Variants in PSAP observed in about 807,000 individuals in gnomAD.
The protein encoded by PSAP is prosaposin.
A neutral mutation model predicts 66.0 loss-of-function variants in PSAP; 25 were observed. The ratio of observed to expected loss-of-function variants is 0.38; its 90% confidence interval spans 0.28 to 0.53. The LOEUF (loss-of-function observed/expected upper bound fraction) is 0.53. Among genes scored for constraint, PSAP ranks in the 20% least tolerant of loss-of-function variants. PSAP has a pLI of 0.83. For synonymous variants in PSAP, 273 were observed against 258.9 expected (o/e 1.05, Z -0.52); for missense variants, 649 against 668.8 (o/e 0.97, Z 0.33).
chr10:71,842,773 T>C (rs1842751732), intron 1 of PSAP, among the ~76,000 whole-genome samples: 1 of 152,192 alleles, frequency 6.6e-6, no homozygotes, highest in Non-Finnish European at 1.5e-5. Context: ...TCAACTATTA[T>C]AAAAGTCAAC....
intron 8 of PSAP, 22 bp downstream of exon 8, chr10:71,821,854 G>T: frequency 6.2e-7 from 1 of 1,614,114 alleles, no homozygotes; most frequent in Non-Finnish European, 8.5e-7. Context: ...CCCTGACCAG[G>T]ACACAAAGTG....
chr10:71,846,425 TAAAA>T (rs397943634), intron 1 of PSAP, among the ~76,000 whole-genome samples: 5 of 115,898 alleles, frequency 4.3e-5, no homozygotes, highest in East Asian at 2.5e-4. Flanking sequence ...TTAAAGCCCT[TAAAA>T]AAAAAAAAAA....
intron 5 of PSAP, 144 bp from the exon 6 acceptor site, chr10:71,828,301 C>CA (rs943433360): frequency 1.2e-6 from 1 of 859,978 alleles, no homozygotes; most frequent in Non-Finnish European, 2.0e-6. Flanking sequence ...TACTGATAGG[C>CA]TTAAAATCGA....
intron 4 of PSAP, among the ~76,000 whole-genome samples, chr10:71,830,670 T>C (rs1842493690): frequency 6.6e-6 from 1 of 152,222 alleles, no homozygotes; most frequent in African/African-American, 2.4e-5. Flanking sequence ...TCCGTGTTCT[T>C]TGCTAAAAAC....
At position 71,819,467 on chromosome 10, in the gene PSAP, G is replaced by A. The variant is rs1842248191; in HGVS notation, c.1348C>T (p.Gln450Ter). 1.2e-6 allele frequency: 2 copies of A among 1,614,166 alleles called. No homozygotes were observed. Among genetic ancestry groups the A allele is most frequent in the South Asian group, 2.2e-5 (2 of 91,088 alleles). The change falls in exon 11 of 14, where the codon CAG becomes TAG. Residue 450 changes from glutamine (Q) to a stop codon, truncating the protein, a stop_gained and splice_region_variant. Coordinates refer to ENST00000394936, the MANE Select transcript of PSAP (RefSeq NM_002778.4). LOFTEE classifies it high-confidence loss of function. ...CCGCAGCCCAGCCCGGGGCGTACCT[G>A]CTTCTGGTAAGGGTCTGGCAGGAAG... ...CSFLPDPYQK[Q>*]CDQFVAEYEP... is the part of the protein sequence containing the mutation.
At chr10:71,820,178 A>T in intron 9 of PSAP, 62 bp downstream of exon 9, 1 of 1,418,624 alleles carries the variant, frequency 7.0e-7, no homozygotes, top group Non-Finnish European at 1.0e-6. Context: ...GGACTTTCCC[A>T]CTGGGACATT....
In PSAP at chr10:71,826,576, A is replaced by G. The variant is rs138710854; in HGVS notation, c.721-683T>C. On this transcript the variant is annotated intron_variant, in intron 6 of 13. Transcript: ENST00000394936. ...TTCACCTGATTAACATTCCTAACGG[A>G]AAGTCAGAGAGAAACCCTCAGCTGG... Among the ~76,000 whole-genome samples, 964 of 152,276 alleles carry G rather than the reference A, an allele frequency of 6.3e-3. 12 individuals are homozygous for G. Among genetic ancestry groups the G allele is most frequent in the African/African-American group, 0.022 (926 of 41,546 alleles).
At chr10:71,827,048 C>G (rs986952359) in intron 6 of PSAP, among the ~76,000 whole-genome samples, 11 of 152,304 alleles carry the variant, frequency 7.2e-5, no homozygotes, top group Admixed American at 2.6e-4. Flanking sequence ...ACCATGCTTG[C>G]TGCAGGAGCA....
At chr10:71,850,490 TTTGA>T (rs777897378) in intron 1 of PSAP, among the ~76,000 whole-genome samples, 3 of 152,186 alleles carry the variant, frequency 2.0e-5, no homozygotes, top group Admixed American at 1.3e-4. Context: ...CTTAAATGTA[TTTGA>T]TTGATGTCTC....
At position 71,817,345 on chromosome 10, in the gene PSAP, A is replaced by G; in HGVS notation, c.*96T>C. The G allele has an allele frequency of 7.4e-7, 1 of 1,353,050 alleles. No individual in the cohort carries two copies. Among genetic ancestry groups the G allele is most frequent in the Admixed American group, 1.7e-5 (1 of 59,688 alleles). The allele number at this position is 1,353,050 out of a possible 1,614,324, so 83.8% of individuals were successfully genotyped here. A position where few individuals can be genotyped will look rare whatever the true frequency, so the allele number is the denominator to read the frequency against. ...GGAGGTGGGGGAGCCCTATTTTTAT[A>G]ACAAAGTCAAACAGATCTGTGCGTT... On this transcript the variant is annotated 3_prime_UTR_variant, in exon 14 of 14. Transcript: ENST00000394936.
chr10:71,837,381 C>T (rs1842645901), intron 1 of PSAP, among the ~76,000 whole-genome samples: 1 of 152,240 alleles, frequency 6.6e-6, no homozygotes, highest in Non-Finnish European at 1.5e-5. Flanking sequence ...GAGCAGATCT[C>T]CTAAGAGGGG....
chr10:71,843,032 A>AT (rs1842755429), intron 1 of PSAP, among the ~76,000 whole-genome samples: 4 of 152,166 alleles, frequency 2.6e-5, no homozygotes, highest in Admixed American at 2.6e-4. Context: ...CTGCAGACAC[A>AT]GCAAGCGATC....
At chr10:71,827,701 T>C (rs1467819182) in intron 6 of PSAP, among the ~76,000 whole-genome samples, 1 of 139,646 alleles carries the variant, frequency 7.2e-6, no homozygotes, top group Non-Finnish European at 1.5e-5. Context: ...CACTCCAGCC[T>C]GGGCAACAGA....
chr10:71,829,291 T>C (rs1023511537), intron 4 of PSAP, among the ~76,000 whole-genome samples: 1 of 152,108 alleles, frequency 6.6e-6, no homozygotes, highest in African/African-American at 2.4e-5. Context: ...TCCTCAATTC[T>C]CCTATTAGGC....
At chr10:71,843,914 G>C (rs1842774171) in intron 1 of PSAP, among the ~76,000 whole-genome samples, 2 of 152,212 alleles carry the variant, frequency 1.3e-5, no homozygotes, top group South Asian at 4.1e-4. Flanking sequence ...AGTAGGGGAA[G>C]CTGGGGGAAG....
chr10:71,818,499 T>A, intron 13 of PSAP, 118 bp downstream of exon 13: 1 of 947,882 alleles, frequency 1.1e-6, no homozygotes, highest in Non-Finnish European at 1.7e-6. Flanking sequence ...GCCTCAGCTT[T>A]CTGATAACAT....
intron 1 of PSAP, among the ~76,000 whole-genome samples, chr10:71,841,381 T>C (rs1273875957): frequency 6.6e-6 from 1 of 152,256 alleles, no homozygotes; most frequent in Non-Finnish European, 1.5e-5. Flanking sequence ...GTTCCAGATA[T>C]ATGTGAGTCT....
At chr10:71,823,076 C>T (rs1208282448) in intron 7 of PSAP, among the ~76,000 whole-genome samples, 4 of 151,670 alleles carry the variant, frequency 2.6e-5, no homozygotes, top group African/African-American at 7.3e-5. Context: ...CAGCTTTGTT[C>T]CAACTCCTTG....
chr10:71,827,726 C>CAAAA (rs1183654773), intron 6 of PSAP, among the ~76,000 whole-genome samples: 1 of 84,560 alleles, frequency 1.2e-5, no homozygotes. Flanking sequence ...CACTCAGTCT[C>CAAAA]AAAAAAAAAA....
Sources: allele counts gnomAD v4.1 joint callset (sites outside exome capture counted in the v4.1 genomes callset), GRCh38; gene constraint gnomAD v4.1.1; transcripts MANE v1.5; gene names NCBI Gene and HGNC (gene_info 2026-07-23, HGNC 2026-07-21).